Variants in NEK10 observed in about 807,000 individuals in gnomAD.
NEK10 encodes serine/threonine-protein kinase Nek10.
NEK10 carries 122 observed loss-of-function variants against 159.8 expected under a neutral mutation model. The observed-to-expected ratio is 0.76, with a 90% confidence interval of 0.66 to 0.89. The LOEUF is 0.89. NEK10 is among the 40% of genes least tolerant of loss of function. NEK10 has a pLI of 0.00. For missense variants in NEK10, 1,342 were observed against 1,323.1 expected, an observed-to-expected ratio of 1.01 and a Z score of -0.22; for synonymous variants, 466 against 457.1, an observed-to-expected ratio of 1.02 and a Z score of -0.25.
chr3:27,307,728 A>T, intron 11 of NEK10, 131 bp downstream of exon 11: 1 of 641,700 alleles, frequency 1.6e-6, no homozygotes, highest in Non-Finnish European at 2.8e-6. Flanking sequence ...AAACTTAAAC[A>T]GAAAATAAAT....
chr3:27,137,222 G>A (rs1392867715), intron 31 of NEK10, among the ~76,000 whole-genome samples: 1 of 152,122 alleles, frequency 6.6e-6, no homozygotes, highest in Admixed American at 6.5e-5. Context: ...TGAACTTGTA[G>A]CAAGGAATGC....
intron 5 of NEK10, among the ~76,000 whole-genome samples, chr3:27,336,649 A>G (rs2046822677): frequency 1.3e-5 from 2 of 152,342 alleles, no homozygotes; most frequent in Admixed American, 1.3e-4. Flanking sequence ...ATAATACATT[A>G]TGACCAAGTG....
At position 27,247,825 on chromosome 3, in the gene NEK10, T is replaced by C. The variant is rs561110861; in HGVS notation, c.2090+8471A>G. Among the ~76,000 whole-genome samples, 452 of 149,580 alleles carry C rather than the reference T, an allele frequency of 3.0e-3. 2 individuals are homozygous for C. Among genetic ancestry groups the C allele is most frequent in the Non-Finnish European group, 4.7e-3 (316 of 67,550 alleles). On this transcript the variant is annotated intron_variant, in intron 23 of 35. Transcript: ENST00000691995. Reference sequence around the variant, plus strand: ...ATTTTCTTTTCTTTTCTTTTCTTTTTTTTTTTTTTTTCTGGAGGCGTCTTT... The same window carrying C: ...ATTTTCTTTTCTTTTCTTTTCTTTTCTTTTTTTTTTTCTGGAGGCGTCTTT...
At chr3:27,251,983 A>G (rs1167830252) in intron 23 of NEK10, among the ~76,000 whole-genome samples, 2 of 152,176 alleles carry the variant, frequency 1.3e-5, no homozygotes, top group African/African-American at 4.8e-5. Flanking sequence ...GAAAAGTTCA[A>G]AGATATACTA....
chr3:27,259,402 G>T (rs928874785), intron 22 of NEK10, among the ~76,000 whole-genome samples: 1 of 152,178 alleles, frequency 6.6e-6, no homozygotes, highest in African/African-American at 2.4e-5. Context: ...TGTATAAGGT[G>T]TAAGGAAGGG....
chr3:27,245,195 T>C (rs944176345), intron 23 of NEK10, among the ~76,000 whole-genome samples: 2 of 152,242 alleles, frequency 1.3e-5, no homozygotes, highest in Non-Finnish European at 2.9e-5. Context: ...GTGTTTAAAA[T>C]AGACTATTTC....
At chr3:27,311,781 GA>G (rs1438124871) in intron 8 of NEK10, 4 of 291,632 alleles carry the variant, frequency 1.4e-5, no homozygotes, top group African/African-American at 2.2e-5. Flanking sequence ...CAACTTTATA[GA>G]AAAAAAACTG....
intron 26 of NEK10, among the ~76,000 whole-genome samples, chr3:27,185,899 G>A (rs1477360620): frequency 6.6e-6 from 1 of 152,200 alleles, no homozygotes; most frequent in Non-Finnish European, 1.5e-5. Context: ...AAGATACTGA[G>A]AATGAGAACT....
rs145161675 is a variant in NEK10, at chr3:27,206,547, T to C, written c.2091-3990A>G. Reference sequence around the variant, plus strand: ...TTCAGTGGCTTCCTCCTTCATTCACTCATTCATCTTCTCTTCATACTTTAC... The same window carrying C: ...TTCAGTGGCTTCCTCCTTCATTCACCCATTCATCTTCTCTTCATACTTTAC... On this transcript the variant is annotated intron_variant, in intron 23 of 35. Coordinates refer to ENST00000691995, the MANE Select transcript of NEK10 (RefSeq NM_001394966.1). The C allele has an allele frequency of 2.2e-4, 211 of 969,220 alleles. No homozygotes were observed. The African/African-American group carries it at 3.6e-3, about 16-fold the overall frequency. The allele number at this position is 969,220 out of a possible 1,614,324, so 60.0% of individuals were successfully genotyped here.
At chr3:27,301,054 C>G (rs1202560709) in intron 13 of NEK10, among the ~76,000 whole-genome samples, 1 of 152,178 alleles carries the variant, frequency 6.6e-6, no homozygotes, top group Non-Finnish European at 1.5e-5. Flanking sequence ...TCTCTGCTCC[C>G]TTTCTGTGGG....
intron 12 of NEK10, among the ~76,000 whole-genome samples, 181 bp downstream of exon 12, chr3:27,304,566 C>A (rs2044088486): frequency 6.6e-6 from 1 of 152,204 alleles, no homozygotes; most frequent in African/African-American, 2.4e-5. Flanking sequence ...AAGATGAATG[C>A]CCCTGACATT....
At chr3:27,278,084 A>T (rs2041897252) in intron 22 of NEK10, among the ~76,000 whole-genome samples, 2 of 152,222 alleles carry the variant, frequency 1.3e-5, no homozygotes, top group Admixed American at 6.5e-5. Flanking sequence ...TTTTTCAACA[A>T]GCATTTAAAA....
chr3:27,222,862 T>C (rs1056560011), intron 23 of NEK10, among the ~76,000 whole-genome samples: 6 of 152,020 alleles, frequency 3.9e-5, no homozygotes, highest in Non-Finnish European at 8.8e-5. Flanking sequence ...AATTTACACA[T>C]GTCCAAATTG....
intron 25 of NEK10, among the ~76,000 whole-genome samples, chr3:27,200,067 T>A (rs1377229812): frequency 2.0e-5 from 3 of 152,026 alleles, no homozygotes; most frequent in African/African-American, 7.3e-5. Context: ...ATGACACAAG[T>A]TTACCTTGTA....
intron 23 of NEK10, among the ~76,000 whole-genome samples, chr3:27,242,857 A>C (rs959601236): frequency 1.1e-4 from 16 of 152,198 alleles, no homozygotes; most frequent in African/African-American, 3.9e-4. Flanking sequence ...TTCAAAACTT[A>C]ACTGCCAAAT....
chr3:27,329,728 AT>A, intron 5 of NEK10, among the ~76,000 whole-genome samples: 1 of 152,346 alleles, frequency 6.6e-6, no homozygotes, highest in South Asian at 2.1e-4. Context: ...ATGTGCATTG[AT>A]TAGTAAAGAA....
At chr3:27,260,482 T>C (rs529375207) in intron 22 of NEK10, among the ~76,000 whole-genome samples, 4 of 152,180 alleles carry the variant, frequency 2.6e-5, no homozygotes, top group Non-Finnish European at 5.9e-5. Context: ...GATAATCATG[T>C]GGTTTTTGTT....
intron 25 of NEK10, among the ~76,000 whole-genome samples, chr3:27,197,378 G>T (rs754226291): frequency 1.3e-5 from 2 of 151,878 alleles, no homozygotes; most frequent in Non-Finnish European, 2.9e-5. Context: ...GTTTCACCAT[G>T]TTGGCCAGGC....
intron 13 of NEK10, among the ~76,000 whole-genome samples, chr3:27,300,055 T>C (rs2043682206): frequency 6.6e-6 from 1 of 152,136 alleles, no homozygotes; most frequent in Admixed American, 6.5e-5. Context: ...GGTTTTGAAA[T>C]GTGAGGACAT....
Sources: allele counts gnomAD v4.1 joint callset (sites outside exome capture counted in the v4.1 genomes callset), GRCh38; gene constraint gnomAD v4.1.1; transcripts MANE v1.5; gene names NCBI Gene and HGNC (gene_info 2026-07-23, HGNC 2026-07-21).